The following NLRP13 variants were observed in gnomAD, a reference collection of about 807,000 sequenced individuals.
NLRP13 encodes NACHT, LRR and PYD domains-containing protein 13.
NLRP13 carries 82 observed loss-of-function variants against 94.4 expected under a neutral mutation model. The observed-to-expected ratio is 0.87, with a 90% confidence interval of 0.73 to 1.04. NLRP13 has a LOEUF of 1.04. Among genes scored for constraint, NLRP13 ranks in the 50% least tolerant of loss-of-function variants. NLRP13 has a pLI of 0.00. For missense variants in NLRP13, 1,426 were observed against 1,230.8 expected (o/e 1.16, Z -2.37); for synonymous variants, 553 against 464.7 (o/e 1.19, Z -2.45).
intron 5 of NLRP13, 103 bp from the exon 6 acceptor site, chr19:55,910,836 A>C: frequency 9.7e-7 from 1 of 1,035,650 alleles, no homozygotes; most frequent in Non-Finnish European, 1.4e-6. Context: ...CAAAATTATT[A>C]TAATTTTCCT....
chr19:55,899,340 C>T (rs1011491565), intron 9 of NLRP13, among the ~76,000 whole-genome samples: 1 of 152,112 alleles, frequency 6.6e-6, no homozygotes, highest in Admixed American at 6.5e-5. Flanking sequence ...GAATAAATTA[C>T]TATACCATAA....
intron 8 of NLRP13, among the ~76,000 whole-genome samples, chr19:55,903,837 A>AGGGAGTG (rs1200036386): frequency 6.6e-6 from 1 of 152,078 alleles, no homozygotes; most frequent in Non-Finnish European, 1.5e-5. Context: ...GGTCAATAGG[A>AGGGAGTG]GCCCTATCTC....
chr19:55,924,369 C>T (rs1338194622), intron 3 of NLRP13, among the ~76,000 whole-genome samples: 2 of 152,150 alleles, frequency 1.3e-5, no homozygotes, highest in East Asian at 3.9e-4. Flanking sequence ...GTGATCTGCC[C>T]ACCTTGGCCT....
Position 55,902,427 on chromosome 19 carries a change from G to A in NLRP13, c.2619-222C>T, listed in dbSNP as rs148992246. Among the ~76,000 whole-genome samples the A allele has an allele frequency of 2.0e-3, 300 of 152,190 alleles. 1 individual carries two copies. The highest frequency in any genetic ancestry group is 7.1e-3 in the African/African-American group (295 of 41,532). Reference sequence around the variant, plus strand: ...CTACAGTGAGTACACCAAGTCTGTGGTTCTCATTAGTGACTGGTTTAGGAA... The same window carrying A: ...CTACAGTGAGTACACCAAGTCTGTGATTCTCATTAGTGACTGGTTTAGGAA... On this transcript the variant is annotated intron_variant, in intron 8 of 10. Coordinates refer to ENST00000342929, the MANE Select transcript of NLRP13 (RefSeq NM_176810.2).
At chr19:55,920,575 G>A (rs1198746312) in intron 4 of NLRP13, among the ~76,000 whole-genome samples, 1 of 151,942 alleles carries the variant, frequency 6.6e-6, no homozygotes, top group East Asian at 1.9e-4. Context: ...ACTAGGCAGA[G>A]AAATGCAAAT....
At chr19:55,895,337 C>A (rs1029965431), downstream of NLRP13, among the ~76,000 whole-genome samples, 2 of 151,970 alleles carry the variant, frequency 1.3e-5, no homozygotes, top group African/African-American at 4.8e-5. Flanking sequence ...ACTGAGATTG[C>A]GCCACTGCAC....
chr19:55,924,007 G>A, intron 3 of NLRP13, 28 bp from the exon 4 acceptor site: 2 of 1,575,550 alleles, frequency 1.3e-6, no homozygotes, highest in Non-Finnish European at 1.7e-6. Flanking sequence ...GATGAGATAT[G>A]AAAATACCCC....
Position 55,898,194 on chromosome 19 carries a change from G to A in NLRP13, c.2957+576C>T, listed in dbSNP as rs944231510. On this transcript the variant is annotated intron_variant, in intron 10 of 10. Coordinates refer to ENST00000342929, the MANE Select transcript of NLRP13 (RefSeq NM_176810.2). ...TTCAAGCTTATCATCTAGCAGGAGA[G>A]TTTTTGTTTTTGTTTTTGTTTTTTT... Among the ~76,000 whole-genome samples the A allele has an allele frequency of 5.1e-5, 3 of 59,274 alleles. No individual in the cohort carries two copies. The Admixed American group carries it at 7.7e-4, about 15-fold the overall frequency. 38.9% of individuals were successfully genotyped at this position (59,274 alleles called of 152,430 possible). A position where few individuals can be genotyped will look rare whatever the true frequency, so the allele number is the denominator to read the frequency against.
At position 55,912,505 on chromosome 19, in the gene NLRP13, G is replaced by T. The variant is rs1181236293; in HGVS notation, c.1312C>A (p.Pro438Thr). ...TGGAGATCGTAATACCTCACCTTCG[G>T]CTGCTTCAGACAGGAACATACGGTC... Reference protein sequence around the residue: ...CWTVCSCLKQPKVRYYDLQSI... With the variant: ...CWTVCSCLKQTKVRYYDLQSI... The change falls in exon 5 of 11, where the codon CCG becomes ACG. Residue 438 changes from proline (P) to threonine (T), a missense_variant. Pro to Thr is a conservative substitution (Grantham distance 38, BLOSUM62 -1). Coordinates refer to ENST00000342929, the MANE Select transcript of NLRP13 (RefSeq NM_176810.2). The T allele has an allele frequency of 1.9e-6, 3 of 1,614,144 alleles. No homozygotes were observed. Among genetic ancestry groups the T allele is most frequent in the Non-Finnish European group, 2.5e-6 (3 of 1,180,008 alleles).
In NLRP13 at chr19:55,919,805, A is replaced by G. The variant is rs187663978; in HGVS notation, c.523+4109T>C. 1.2e-4 allele frequency among the ~76,000 whole-genome samples: 18 copies of G among 152,250 alleles called. No individual in the cohort carries two copies. In the East Asian group the frequency reaches 3.5e-3, roughly 29 times the overall value. On this transcript the variant is annotated intron_variant, in intron 4 of 10. Coordinates refer to ENST00000342929, the MANE Select transcript of NLRP13 (RefSeq NM_176810.2). ...CAATTCCTATCAAACTCCCAGTGAC[A>G]TATTTCACAGAATTAGAGAAAACAA... is the stretch of plus-strand genomic sequence containing the variant.
At chr19:55,910,983 A>G (rs1986493844) in intron 5 of NLRP13, among the ~76,000 whole-genome samples, 1 of 152,158 alleles carries the variant, frequency 6.6e-6, no homozygotes, top group South Asian at 2.1e-4. Flanking sequence ...GTAGTGGTGC[A>G]TGCCTGTAAT....
At chr19:55,898,689 C>T in intron 10 of NLRP13, 81 bp downstream of exon 10, 1 of 1,392,630 alleles carries the variant, frequency 7.2e-7, no homozygotes, top group Non-Finnish European at 9.7e-7. Flanking sequence ...CACTTTCTAA[C>T]CCCCGATGGG....
At chr19:55,911,296 A>C (rs1600267952) in intron 5 of NLRP13, among the ~76,000 whole-genome samples, 2 of 152,002 alleles carry the variant, frequency 1.3e-5, no homozygotes, top group South Asian at 2.1e-4. Flanking sequence ...CAGTGATGTG[A>C]TCTCTGCTTG....
In NLRP13 at chr19:55,896,114, G is replaced by A. The variant is rs201165184; in HGVS notation, c.2963C>T (p.Ala988Val). 27 of 1,613,800 alleles carry A rather than the reference G, an allele frequency of 1.7e-5. No individual in the cohort carries two copies. The highest frequency in any genetic ancestry group is 1.9e-5 in the Non-Finnish European group (23 of 1,179,916). Residue 988 changes from alanine to valine, a missense_variant, in exon 11 of 11, where the codon GCG (alanine) becomes GTG (valine). By Grantham distance (64) the Ala-to-Val change is moderately conservative. Transcript: ENST00000342929. ...GCAAGCAGTTGTCAGATTGCATTTC[G>A]CCAACCTAGGGGCGGGTGGGAAGAA... ...PHRALHTLGLAKCNLTTACCQ... is the reference protein window; with the variant it reads ...PHRALHTLGLVKCNLTTACCQ...
intron 1 of NLRP13, among the ~76,000 whole-genome samples, chr19:55,930,249 G>A (rs964211830): frequency 1.3e-5 from 2 of 152,178 alleles, no homozygotes; most frequent in Admixed American, 6.5e-5. Flanking sequence ...CAGCTCTCCT[G>A]GTCACCAGCT....
At chr19:55,920,672 C>A (rs192346252) in intron 4 of NLRP13, among the ~76,000 whole-genome samples, 130 of 151,994 alleles carry the variant, frequency 8.6e-4, no homozygotes, top group African/African-American at 3.1e-3. Flanking sequence ...TAAATTAGTA[C>A]AATATCTATG....
At chr19:55,914,918 T>A (rs764105593) in intron 4 of NLRP13, among the ~76,000 whole-genome samples, 1 of 152,220 alleles carries the variant, frequency 6.6e-6, no homozygotes, top group Non-Finnish European at 1.5e-5. Flanking sequence ...ACTGATTTCT[T>A]CTTGCCAAGT....
chr19:55,916,337 G>A (rs531068026), intron 4 of NLRP13, among the ~76,000 whole-genome samples: 1 of 152,102 alleles, frequency 6.6e-6, no homozygotes, highest in South Asian at 2.1e-4. Flanking sequence ...TACCCCCAAA[G>A]GATTGTACTA....
In NLRP13 at chr19:55,912,408, T is replaced by C; in HGVS notation, c.1409A>G (p.Asp470Gly). Residue 470 changes from aspartate (D) to glycine (G), a missense_variant, in exon 5 of 11, where the codon GAT becomes GGT. By Grantham distance (94) the Asp-to-Gly change is moderately conservative (BLOSUM62 -1). Transcript: ENST00000342929. Reference sequence around the variant, plus strand: ...TCCTGGCCAGCTGTCATCTGCCAAATCTACCTCTGCTGTGGAGAACAAGTT... The same window carrying C: ...TCCTGGCCAGCTGTCATCTGCCAAACCTACCTCTGCTGTGGAGAACAAGTT... ...FSNLFSTAEV[D>G]LADDSWPGQW... 1 of 1,614,130 alleles carries C rather than the reference T, an allele frequency of 6.2e-7. No individual in the cohort carries two copies. Among genetic ancestry groups the C allele is most frequent in the Non-Finnish European group, 8.5e-7 (1 of 1,180,016 alleles).
Sources: gnomAD v4.1 joint callset for allele counts (sites outside exome capture counted in the v4.1 genomes callset) on GRCh38, gnomAD v4.1.1 for gene constraint, MANE v1.5 for transcripts, NCBI Gene and HGNC (gene_info 2026-07-23, HGNC 2026-07-21) for gene names.